The following MMRN1 variants were observed in gnomAD, a reference collection of about 807,000 sequenced individuals.
The protein encoded by MMRN1 is multimerin-1.
In MMRN1, 94 loss-of-function variants were observed where a neutral mutation model predicts 100.7. The ratio of observed to expected loss-of-function variants is 0.93; its 90% CI spans 0.79 to 1.11. The LOEUF (loss-of-function observed/expected upper bound fraction) is 1.11. Ranked by LOEUF, MMRN1 falls within the 50% of genes least tolerant of loss-of-function variation. The pLI is 0.00. For synonymous variants in MMRN1, 575 were observed against 505.0 expected, an observed-to-expected ratio of 1.14 and a Z score of -1.86; for missense variants, 1,606 against 1,439.1, an observed-to-expected ratio of 1.12 and a Z score of -1.88.
At chr4:89,932,557 T>G (rs1335765829) in intron 5 of MMRN1, among the ~76,000 whole-genome samples, 1 of 152,138 alleles carries the variant, frequency 6.6e-6, no homozygotes, top group Non-Finnish European at 1.5e-5. Flanking sequence ...ATCCATGTGT[T>G]TTCATACATT....
chr4:89,951,199 T>C (rs1480737794), intron 6 of MMRN1, among the ~76,000 whole-genome samples: 2 of 152,182 alleles, frequency 1.3e-5, no homozygotes, highest in East Asian at 3.9e-4. Context: ...GGAATTTATG[T>C]TTCTAATATA....
intron 1 of MMRN1, among the ~76,000 whole-genome samples, chr4:89,886,228 A>G (rs969542402): frequency 6.6e-6 from 1 of 151,950 alleles, no homozygotes. Context: ...TCAAGTGACA[A>G]AATTGCACAA....
At chr4:89,887,598 C>A (rs2110572038) in intron 1 of MMRN1, among the ~76,000 whole-genome samples, 1 of 152,098 alleles carries the variant, frequency 6.6e-6, no homozygotes, top group South Asian at 2.1e-4. Flanking sequence ...TCCTTCCTTG[C>A]CCTTTTTATA....
At chr4:89,885,458 C>G (rs974732738) in intron 1 of MMRN1, among the ~76,000 whole-genome samples, 1 of 151,920 alleles carries the variant, frequency 6.6e-6, no homozygotes, top group African/African-American at 2.4e-5. Context: ...GATGTGGTAT[C>G]TCCTTTTCTG....
At chr4:89,927,562 A>T (rs1025863167) in intron 4 of MMRN1, among the ~76,000 whole-genome samples, 4 of 152,094 alleles carry the variant, frequency 2.6e-5, no homozygotes, top group Admixed American at 2.0e-4. Flanking sequence ...TCTGCAGAGA[A>T]GGATAATTTG....
intron 1 of MMRN1, among the ~76,000 whole-genome samples, chr4:89,885,971 G>A (rs908459015): frequency 6.6e-6 from 1 of 151,174 alleles, no homozygotes; most frequent in Non-Finnish European, 1.5e-5. Flanking sequence ...TAAAATGGAA[G>A]CATACCTCAA....
intron 3 of MMRN1, among the ~76,000 whole-genome samples, chr4:89,915,795 A>G (rs578169515): frequency 4.0e-5 from 6 of 151,646 alleles, no homozygotes; most frequent in African/African-American, 1.4e-4. Flanking sequence ...TCTGAAATGC[A>G]CAAACATCTT....
At chr4:89,920,613 C>T (rs1466029969) in intron 3 of MMRN1, among the ~76,000 whole-genome samples, 3 of 151,858 alleles carry the variant, frequency 2.0e-5, no homozygotes, top group Non-Finnish European at 4.4e-5. Context: ...TCAACACACA[C>T]CTTTGTTATT....
intron 6 of MMRN1, among the ~76,000 whole-genome samples, chr4:89,943,861 G>A (rs1431624447): frequency 3.3e-5 from 5 of 151,876 alleles, no homozygotes; most frequent in South Asian, 2.1e-4. Context: ...GTAGTGGCAC[G>A]TGCCCAACTA....
intron 6 of MMRN1, among the ~76,000 whole-genome samples, chr4:89,937,472 T>C (rs1263756986): frequency 6.6e-6 from 1 of 151,998 alleles, no homozygotes; most frequent in Non-Finnish European, 1.5e-5. Flanking sequence ...ATGTGAGAAA[T>C]GTTGGAAAGT....
At chr4:89,891,175 G>C (rs189569421), upstream of MMRN1, among the ~76,000 whole-genome samples, 1 of 151,922 alleles carries the variant, frequency 6.6e-6, no homozygotes, top group Non-Finnish European at 1.5e-5. Flanking sequence ...TTTTCTTTAG[G>C]AGTAACTTAC....
At chr4:89,940,584 T>C (rs1270134836) in intron 6 of MMRN1, among the ~76,000 whole-genome samples, 1 of 152,126 alleles carries the variant, frequency 6.6e-6, no homozygotes, top group Non-Finnish European at 1.5e-5. Flanking sequence ...GAATTTGGAA[T>C]CAGGACACCA....
chr4:89,923,870 A>G lies in MMRN1; in HGVS notation c.955+598A>G, dbSNP rs76291131. Reference sequence around the variant, plus strand: ...CATCTATTCACTGTGTTTGGCATGGATCTAGTCATACAAAACAAGGCACTC... The same window carrying G: ...CATCTATTCACTGTGTTTGGCATGGGTCTAGTCATACAAAACAAGGCACTC... On this transcript the variant is annotated intron_variant, in intron 4 of 7. Coordinates refer to ENST00000264790, the MANE Select transcript of MMRN1 (RefSeq NM_007351.3). Among the ~76,000 whole-genome samples the G allele has an allele frequency of 6.9e-3, 1,056 of 152,304 alleles. 21 individuals carry two copies. The highest frequency in any genetic ancestry group is 0.039 in the East Asian group (200 of 5,182).
At chr4:89,913,195 G>A (rs1721809978) in intron 3 of MMRN1, among the ~76,000 whole-genome samples, 1 of 151,048 alleles carries the variant, frequency 6.6e-6, no homozygotes, top group Non-Finnish European at 1.5e-5. Flanking sequence ...GTCTAGAATT[G>A]GTGAATTGTT....
At chr4:89,885,283 C>A (rs1053941120) in intron 1 of MMRN1, among the ~76,000 whole-genome samples, 2 of 152,030 alleles carry the variant, frequency 1.3e-5, no homozygotes, top group African/African-American at 4.8e-5. Flanking sequence ...CTTTGAATTA[C>A]CCCTGTGGGA....
chr4:89,929,197 T>G (rs570136876), intron 5 of MMRN1, among the ~76,000 whole-genome samples: 1 of 152,142 alleles, frequency 6.6e-6, no homozygotes, highest in Non-Finnish European at 1.5e-5. Flanking sequence ...TCAGGATTAC[T>G]GTTTTTTTTC....
chr4:89,916,939 C>T (rs1721940485), intron 3 of MMRN1, among the ~76,000 whole-genome samples: 1 of 151,744 alleles, frequency 6.6e-6, no homozygotes, highest in Non-Finnish European at 1.5e-5. Context: ...ATTCTTGACA[C>T]TTTACCTCTC....
intron 6 of MMRN1, among the ~76,000 whole-genome samples, chr4:89,947,479 G>T (rs1723023782): frequency 6.6e-6 from 1 of 151,940 alleles, no homozygotes; most frequent in African/African-American, 2.4e-5. Context: ...TATATGTCAG[G>T]CACTGTGCTA....
At chr4:89,895,627 CTG>C (rs1214478755) in intron 1 of MMRN1, 33 bp downstream of exon 1, 1 of 1,586,970 alleles carries the variant, frequency 6.3e-7, no homozygotes, top group Non-Finnish European at 8.6e-7. Flanking sequence ...TGTTCTTTCT[CTG>C]TCTATCAGGT....
Sources: allele counts gnomAD v4.1 joint callset (sites outside exome capture counted in the v4.1 genomes callset), GRCh38; gene constraint gnomAD v4.1.1; transcripts MANE v1.5; gene names NCBI Gene and HGNC (gene_info 2026-07-23, HGNC 2026-07-21).